The following CNKSR3 variants were observed in gnomAD, a reference collection of about 807,000 sequenced individuals.
CNKSR3 encodes connector enhancer of kinase suppressor of ras 3.
Under a neutral mutation model 67.7 loss-of-function variants are expected in CNKSR3, and 36 were observed. The ratio of observed to expected loss-of-function variants is 0.53; its 90% CI spans 0.41 to 0.70. The LOEUF (loss-of-function observed/expected upper bound fraction) is 0.70, where lower values mean the gene tolerates loss of function less well. CNKSR3 is among the 30% of genes least tolerant of loss of function. CNKSR3 has a pLI of 0.00. For synonymous variants in CNKSR3, 281 were observed against 271.4 expected (o/e 1.04, Z -0.35); for missense variants, 630 against 695.2 (o/e 0.91, Z 1.05).
chr6:154,458,976 A>G (rs1257216881), intron 1 of CNKSR3, among the ~76,000 whole-genome samples: 1 of 152,196 alleles, frequency 6.6e-6, no homozygotes, highest in Non-Finnish European at 1.5e-5. Flanking sequence ...ACCTTTACTT[A>G]CAAGAGCAGA....
chr6:154,412,985 C>T (rs1723496902), intron 10 of CNKSR3, among the ~76,000 whole-genome samples: 1 of 152,096 alleles, frequency 6.6e-6, no homozygotes, highest in Non-Finnish European at 1.5e-5. Context: ...GCCAGATTGT[C>T]TAGTTTTATC....
chr6:154,430,711 A>C, intron 5 of CNKSR3, 120 bp from the exon 6 acceptor site: 1 of 948,356 alleles, frequency 1.1e-6, no homozygotes, highest in Non-Finnish European at 1.6e-6. Context: ...AATCATTTTG[A>C]TAATTCTGCT....
intron 1 of CNKSR3, among the ~76,000 whole-genome samples, chr6:154,475,330 C>T (rs1786422050): frequency 6.6e-6 from 1 of 152,148 alleles, no homozygotes; most frequent in South Asian, 2.1e-4. Context: ...ATCTCTCCCC[C>T]TGGGCGCCCT....
Position 154,456,032 on chromosome 6 carries a change from C to A in CNKSR3, c.53-5774G>T, listed in dbSNP as rs180768810. ...CAAACAAAAAACAAAACAACAACAA[C>A]AAAAAACTATGGCTATTCTCATTTT... is the stretch of plus-strand genomic sequence containing the variant. On this transcript the variant is annotated intron_variant, in intron 1 of 12. Transcript: ENST00000607772. Among the ~76,000 whole-genome samples the A allele has an allele frequency of 5.3e-3, 798 of 151,904 alleles. 9 individuals are homozygous for A. Among genetic ancestry groups the A allele is most frequent in the African/African-American group, 0.018 (742 of 41,430 alleles).
intron 7 of CNKSR3, among the ~76,000 whole-genome samples, chr6:154,425,211 T>C (rs185245152): frequency 3.0e-3 from 464 of 152,378 alleles, no homozygotes; most frequent in Middle Eastern, 6.8e-3. Context: ...TTAATCTTCC[T>C]GGGCAAAGGA....
chr6:154,416,607 G>A (rs1400646353), intron 9 of CNKSR3, among the ~76,000 whole-genome samples: 3 of 152,122 alleles, frequency 2.0e-5, no homozygotes, highest in African/African-American at 7.2e-5. Flanking sequence ...TCAAAACAGA[G>A]TGGTGAATGC....
At chr6:154,502,359 T>A (rs1406605279) in intron 1 of CNKSR3, among the ~76,000 whole-genome samples, 1 of 79,436 alleles carries the variant, frequency 1.3e-5, no homozygotes, top group African/African-American at 3.9e-5. Context: ...GCCCAGCTAA[T>A]TTTTTTTTTT....
At chr6:154,425,713 G>A (rs1208108868) in intron 7 of CNKSR3, among the ~76,000 whole-genome samples, 10 of 152,212 alleles carry the variant, frequency 6.6e-5, no homozygotes, top group Admixed American at 6.5e-4. Flanking sequence ...GGCCTCTCAG[G>A]TAACCTTCAA....
Position 154,403,193 on chromosome 6 carries a change from T to C in CNKSR3, c.*3161A>G, listed in dbSNP as rs971238495. ...TAACAATCACTCTTGTAAAGTATCCTGTCAAGGAGTTCAAGATCAGCCTGG... is the reference window on the plus strand; with the variant it reads ...TAACAATCACTCTTGTAAAGTATCCCGTCAAGGAGTTCAAGATCAGCCTGG... On this transcript the variant is annotated 3_prime_UTR_variant, in exon 13 of 13. Transcript: ENST00000607772. The C allele has an allele frequency of 6.6e-6, 1 of 152,036 alleles. No homozygotes were observed. Among genetic ancestry groups the C allele is most frequent in the African/African-American group, 2.4e-5 (1 of 41,394 alleles). The allele number at this position is 152,036 out of a possible 1,614,324, so 9.4% of individuals were successfully genotyped here.
chr6:154,430,461 T>A lies in CNKSR3; in HGVS notation c.669+11A>T. The A allele has an allele frequency of 6.3e-7, 1 of 1,599,544 alleles. No individual in the cohort carries two copies. The highest frequency in any genetic ancestry group is 1.1e-5 in the South Asian group (1 of 87,510). The stretch of plus-strand genomic sequence containing the variant: ...TTATCTGAAAATAAAACAAGTGTTA[T>A]TAGAACTTACCAGGCCTTCCCCAGG... On this transcript the variant is annotated intron_variant, in intron 6 of 12. Coordinates refer to ENST00000607772, the MANE Select transcript of CNKSR3 (RefSeq NM_173515.4).
intron 1 of CNKSR3, among the ~76,000 whole-genome samples, chr6:154,451,532 C>T (rs1016700565): frequency 2.4e-5 from 2 of 82,802 alleles, no homozygotes; most frequent in African/African-American, 4.9e-5. Flanking sequence ...CGTGCACACA[C>T]GCACACGCAC....
intron 1 of CNKSR3, among the ~76,000 whole-genome samples, chr6:154,475,545 C>T (rs1354107996): frequency 1.3e-5 from 2 of 152,192 alleles, no homozygotes; most frequent in Non-Finnish European, 2.9e-5. Context: ...TTATGCCACC[C>T]GCTGACAGAT....
At chr6:154,502,352 C>T (rs1272023875) in intron 1 of CNKSR3, among the ~76,000 whole-genome samples, 2 of 145,640 alleles carry the variant, frequency 1.4e-5, no homozygotes, top group African/African-American at 2.5e-5. Context: ...CCACCATGCC[C>T]AGCTAATTTT....
chr6:154,485,465 G>A (rs1023322461), intron 1 of CNKSR3, among the ~76,000 whole-genome samples: 1 of 152,122 alleles, frequency 6.6e-6, no homozygotes, highest in Non-Finnish European at 1.5e-5. Flanking sequence ...TTTTTCCCCT[G>A]GCTCAAAGAT....
intron 1 of CNKSR3, among the ~76,000 whole-genome samples, chr6:154,491,008 C>A (rs558332184): frequency 6.6e-6 from 1 of 151,990 alleles, no homozygotes; most frequent in African/African-American, 2.4e-5. Flanking sequence ...CCACCATGCC[C>A]GGCTAATTTT....
intron 9 of CNKSR3, among the ~76,000 whole-genome samples, chr6:154,421,994 T>C (rs1785154694): frequency 6.6e-6 from 1 of 150,812 alleles, no homozygotes; most frequent in Non-Finnish European, 1.5e-5. Flanking sequence ...ATTCTTTTTT[T>C]TTTTTTTTTT....
chr6:154,488,047 T>A (rs1451416930), intron 1 of CNKSR3, among the ~76,000 whole-genome samples: 2 of 152,228 alleles, frequency 1.3e-5, no homozygotes, highest in African/African-American at 4.8e-5. Flanking sequence ...TATGTCACTC[T>A]CACTATAACT....
chr6:154,410,206 A>T, intron 12 of CNKSR3, 137 bp downstream of exon 12: 1 of 587,506 alleles, frequency 1.7e-6, no homozygotes, highest in Non-Finnish European at 3.0e-6. Flanking sequence ...CTAATTTTAC[A>T]GATGAGAAAA....
Position 154,414,419 on chromosome 6 carries a change from G to A in CNKSR3, c.950C>T (p.Ser317Leu). 6.3e-7 allele frequency: 1 copy of A among 1,589,576 alleles called. No homozygotes were observed. Among genetic ancestry groups the A allele is most frequent in the Non-Finnish European group, 8.5e-7 (1 of 1,170,690 alleles). The change falls in exon 10 of 13, where the codon TCA becomes TTA. Residue 317 changes from serine (S) to leucine (L), a missense_variant. Physicochemically the swap from Ser to Leu is moderately radical, Grantham distance 145. Around this residue, in one of 3 missense-constraint regions of CNKSR3, gnomAD observed 133 missense variants for 190.6 expected, o/e 0.70. Transcript: ENST00000607772. ...LRWKPPLVQT[S>L]PPPATTQSPE... ...GGACTGGGTTGTCGCGGGTGGAGGT[G>A]AGGTCTGAAACAGGAGTAACACAGC... is the stretch of plus-strand genomic sequence containing the variant.
Sources: gnomAD v4.1 joint callset for allele counts (sites outside exome capture counted in the v4.1 genomes callset) on GRCh38, gnomAD v4.1.1 for gene constraint, gnomAD v4.1.1 regional missense constraint, MANE v1.5 for transcripts, NCBI Gene and HGNC (gene_info 2026-07-23, HGNC 2026-07-21) for gene names.